KLF12: variants seen among roughly 807,000 people sequenced by gnomAD.
KLF12 encodes the protein Krueppel-like factor 12.
In KLF12, 9 loss-of-function variants were observed where a neutral mutation model predicts 37.8. The ratio of observed to expected loss-of-function variants is 0.24; its 90% CI spans 0.14 to 0.42. The LOEUF (loss-of-function observed/expected upper bound fraction) is 0.42. Among genes scored for constraint, KLF12 ranks in the 10% least tolerant of loss-of-function variants. The pLI is 1.00. For synonymous variants in KLF12, 208 were observed against 202.1 expected (o/e 1.03, Z -0.25); for missense variants, 411 against 516.0 (o/e 0.80, Z 1.97).
At chr13:73,783,583 C>A (rs9600170) in intron 5 of KLF12, among the ~76,000 whole-genome samples, 3 of 151,806 alleles carry the variant, frequency 2.0e-5, no homozygotes, top group African/African-American at 7.3e-5. Flanking sequence ...AAATATCCCA[C>A]GTACCCTATA....
At chr13:73,834,159 T>C (rs1306696253) in intron 4 of KLF12, among the ~76,000 whole-genome samples, 1 of 152,102 alleles carries the variant, frequency 6.6e-6, no homozygotes, top group Non-Finnish European at 1.5e-5. Flanking sequence ...CCACAACCTC[T>C]TTATTTTAGA....
chr13:74,059,864 A>G (rs997094843), intron 1 of KLF12, among the ~76,000 whole-genome samples: 13 of 152,124 alleles, frequency 8.5e-5, no homozygotes, highest in Non-Finnish European at 1.6e-4. Flanking sequence ...CAATATCCAA[A>G]AGAGTTTTAC....
At chr13:74,109,020 G>A (rs1235765436) in intron 1 of KLF12, among the ~76,000 whole-genome samples, 1 of 151,874 alleles carries the variant, frequency 6.6e-6, no homozygotes, top group Non-Finnish European at 1.5e-5. Flanking sequence ...CACAGAAATG[G>A]CATGTTAGAT....
At chr13:74,090,455 A>C (rs979545915) in intron 1 of KLF12, among the ~76,000 whole-genome samples, 1 of 152,174 alleles carries the variant, frequency 6.6e-6, no homozygotes, top group African/African-American at 2.4e-5. Flanking sequence ...TCCCAAATTA[A>C]TCTACAGATT....
the KLF12 span, among the ~76,000 whole-genome samples, chr13:74,166,754 G>C: frequency 6.6e-6 from 1 of 151,944 alleles, no homozygotes; most frequent in African/African-American, 2.4e-5. Flanking sequence ...AATACACAGC[G>C]CCACACATTT....
At chr13:74,235,686 T>C in the KLF12 span, among the ~76,000 whole-genome samples, 1 of 152,166 alleles carries the variant, frequency 6.6e-6, no homozygotes, top group South Asian at 2.1e-4. Context: ...TATACTTTCA[T>C]GAGGAGTATT....
chr13:73,722,645 G>T lies in KLF12; in HGVS notation c.870-7120C>A, dbSNP rs192530154. On this transcript the variant is annotated intron_variant, in intron 6 of 7. Coordinates refer to ENST00000377669, the MANE Select transcript of KLF12 (RefSeq NM_007249.5). ...AGTTGCCACCCTTTTCAGAAGCTGT[G>T]ACTGAGACATTATATCATGTTCTAA... 2.4e-4 allele frequency among the ~76,000 whole-genome samples: 37 copies of T among 152,242 alleles called. No homozygotes were observed. In the East Asian group the frequency reaches 4.4e-3, roughly 18 times the overall value.
chr13:73,810,982 C>CTTTATTTTTTTTTT (rs1555308731), intron 5 of KLF12, among the ~76,000 whole-genome samples: 1 of 44,808 alleles, frequency 2.2e-5, no homozygotes, highest in Non-Finnish European at 4.0e-5. Flanking sequence ...ATTTTTCTTT[C>CTTTATTTTTTTTTT]TTTTTTTTTT....
rs1222437981 is a variant in KLF12, at chr13:74,087,295, G to C, written c.-32+46444C>G. ...GAACGTCGACACAGGTCCTCTGTCA[G>C]AAGTTATATAGGTCAGAGACAAGAC... On this transcript the variant is annotated intron_variant, in intron 1 of 7. Coordinates refer to ENST00000377669, the MANE Select transcript of KLF12 (RefSeq NM_007249.5). Among the ~76,000 whole-genome samples the C allele has an allele frequency of 5.9e-5, 9 of 152,170 alleles. No homozygotes were observed. In the East Asian group the frequency reaches 1.7e-3, roughly 29 times the overall value.
At chr13:74,127,508 G>A (rs1878007876) in intron 1 of KLF12, among the ~76,000 whole-genome samples, 3 of 152,332 alleles carry the variant, frequency 2.0e-5, no homozygotes, top group Middle Eastern at 6.8e-3. Context: ...AAAAAGTGAT[G>A]CTGATGTTTG....
the KLF12 span, among the ~76,000 whole-genome samples, chr13:74,244,300 G>T: frequency 6.6e-6 from 1 of 152,178 alleles, no homozygotes; most frequent in Admixed American, 6.5e-5. Context: ...TGATCCTGAT[G>T]TTCCACTACC....
chr13:74,089,222 G>C (rs532845709), intron 1 of KLF12, among the ~76,000 whole-genome samples: 2 of 151,922 alleles, frequency 1.3e-5, no homozygotes, highest in Non-Finnish European at 2.9e-5. Context: ...ACTTCCACCC[G>C]CCCCCTACAA....
At chr13:74,211,312 T>G in the KLF12 span, among the ~76,000 whole-genome samples, 3 of 152,138 alleles carry the variant, frequency 2.0e-5, no homozygotes, top group Non-Finnish European at 2.9e-5. Context: ...TATCATGACT[T>G]GTGCTTCGAT....
At chr13:73,832,291 C>A (rs1210531731) in intron 4 of KLF12, among the ~76,000 whole-genome samples, 1 of 152,178 alleles carries the variant, frequency 6.6e-6, no homozygotes, top group Non-Finnish European at 1.5e-5. Flanking sequence ...AAGCTTTACG[C>A]TTCTCCAACT....
At chr13:74,142,817 G>A in the KLF12 span, among the ~76,000 whole-genome samples, 2 of 152,062 alleles carry the variant, frequency 1.3e-5, no homozygotes, top group East Asian at 1.9e-4. Flanking sequence ...TCAATAAAAC[G>A]TATGTACTCA....
intron 5 of KLF12, among the ~76,000 whole-genome samples, chr13:73,794,364 G>A (rs185456738): frequency 6.6e-6 from 1 of 152,312 alleles, no homozygotes; most frequent in Admixed American, 6.5e-5. Flanking sequence ...AGGAGGCTGA[G>A]GTATGAGAAT....
intron 5 of KLF12, among the ~76,000 whole-genome samples, chr13:73,770,633 C>T (rs1030408608): frequency 6.6e-6 from 1 of 151,928 alleles, no homozygotes; most frequent in Non-Finnish European, 1.5e-5. Context: ...AGCAATTCTC[C>T]TGCCTCAGCC....
intron 1 of KLF12, among the ~76,000 whole-genome samples, chr13:74,032,372 C>A (rs1893136939): frequency 6.6e-6 from 1 of 152,126 alleles, no homozygotes; most frequent in African/African-American, 2.4e-5. Flanking sequence ...AAATGCTTCA[C>A]AGTGGGAGCT....
intron 1 of KLF12, among the ~76,000 whole-genome samples, chr13:74,105,594 G>A (rs559185664): frequency 6.9e-4 from 105 of 152,194 alleles, no homozygotes; most frequent in African/African-American, 2.4e-3. Context: ...TTTGTTAAAA[G>A]TGTAAATTCA....
Sources: allele counts gnomAD v4.1 joint callset (sites outside exome capture counted in the v4.1 genomes callset), GRCh38; gene constraint gnomAD v4.1.1; transcripts MANE v1.5; gene names NCBI Gene and HGNC (gene_info 2026-07-23, HGNC 2026-07-21).